The following CDC42BPA variants were observed in gnomAD, a reference collection of about 807,000 sequenced individuals.
The protein encoded by CDC42BPA is serine/threonine-protein kinase MRCK alpha.
CDC42BPA carries 80 observed loss-of-function variants against 223.5 expected under a neutral mutation model. The observed-to-expected ratio is 0.36, with a 90% CI of 0.30 to 0.43. CDC42BPA has a LOEUF of 0.43. CDC42BPA is among the 20% of genes least tolerant of loss of function. The pLI is 1.00. For missense variants in CDC42BPA, 1,743 were observed against 2,099.9 expected (o/e 0.83, Z 3.32); for synonymous variants, 694 against 718.6 (o/e 0.97, Z 0.55).
rs1056224117 is a variant in CDC42BPA at position 227,055,795 on chromosome 1, A to T, written c.2905-3810T>A. 2.6e-5 allele frequency among the ~76,000 whole-genome samples: 4 copies of T among 151,990 alleles called. No homozygotes were observed. The South Asian group carries it at 8.3e-4, about 31-fold the overall frequency. ...AAATGCAATTTTTTTTTGTTAGCTA[A>T]TTTTCTTTTCCTAAGTAAACATACT... On this transcript the variant is annotated intron_variant, in intron 21 of 36. Transcript: ENST00000366766.
rs963833939 is a variant in CDC42BPA, at chr1:226,993,504, G to A, written c.*764C>T. The A allele has an allele frequency of 1.3e-5, 2 of 152,564 alleles. No homozygotes were observed. Among genetic ancestry groups the A allele is most frequent in the East Asian group, 3.9e-4 (2 of 5,188 alleles). 9.5% of individuals were successfully genotyped at this position (152,564 alleles called of 1,614,324 possible). On this transcript the variant is annotated 3_prime_UTR_variant, in exon 37 of 37. Coordinates refer to ENST00000366766, the MANE Select transcript of CDC42BPA (RefSeq NM_001394014.1). ...TTCTACAGCTCCCCAGGTGACTAGA[G>A]CCTATGACCAGTTTGAGGACAGGGC... is the stretch of plus-strand genomic sequence containing the variant.
chr1:227,207,441 T>A (rs1298505728), intron 3 of CDC42BPA, among the ~76,000 whole-genome samples: 1 of 149,986 alleles, frequency 6.7e-6, no homozygotes. Flanking sequence ...TGTATACATG[T>A]GCCATGCTGG....
chr1:227,146,722 A>G (rs113772310), intron 7 of CDC42BPA, among the ~76,000 whole-genome samples: 2 of 152,108 alleles, frequency 1.3e-5, no homozygotes, highest in African/African-American at 4.8e-5. Flanking sequence ...GTGATCATAA[A>G]TAACGTTAGA....
intron 28 of CDC42BPA, among the ~76,000 whole-genome samples, chr1:227,030,969 G>A (rs1283615435): frequency 2.0e-5 from 3 of 151,968 alleles, no homozygotes; most frequent in Non-Finnish European, 4.4e-5. Context: ...ACCTCAGCAA[G>A]GTAATTACCA....
At chr1:227,294,959 G>A (rs189273907) in intron 1 of CDC42BPA, among the ~76,000 whole-genome samples, 2 of 128,702 alleles carry the variant, frequency 1.6e-5, no homozygotes, top group Admixed American at 1.6e-4. Flanking sequence ...AAAAATACCA[G>A]AAATGTTCCT....
At chr1:227,208,136 ATG>A (rs1163298277) in intron 3 of CDC42BPA, among the ~76,000 whole-genome samples, 2 of 142,332 alleles carry the variant, frequency 1.4e-5, no homozygotes, top group Admixed American at 7.1e-5. Flanking sequence ...GCATTTTTTC[ATG>A]TGTTTTTTGG....
At chr1:227,298,127 G>A (rs1234229324) in intron 1 of CDC42BPA, among the ~76,000 whole-genome samples, 7 of 151,182 alleles carry the variant, frequency 4.6e-5, no homozygotes, top group Admixed American at 4.0e-4. Flanking sequence ...CTCTTTCTCA[G>A]TGTAGTAGGT....
intron 14 of CDC42BPA, among the ~76,000 whole-genome samples, chr1:227,104,653 T>C (rs1056388022): frequency 6.6e-6 from 1 of 152,104 alleles, no homozygotes; most frequent in South Asian, 2.1e-4. Context: ...TAAAATATGG[T>C]TTTAAGAGGT....
chr1:227,130,858 AAAAAC>A (rs983215931), intron 10 of CDC42BPA, among the ~76,000 whole-genome samples: 10 of 152,176 alleles, frequency 6.6e-5, no homozygotes, highest in African/African-American at 1.9e-4. Flanking sequence ...TGTCTCAAAA[AAAAAC>A]AAACAAACAA....
intron 1 of CDC42BPA, among the ~76,000 whole-genome samples, chr1:227,274,282 G>C (rs2148497146): frequency 6.6e-6 from 1 of 152,210 alleles, no homozygotes; most frequent in East Asian, 1.9e-4. Context: ...GTAGGCACCT[G>C]ACCCAAACTA....
At chr1:227,269,609 G>C (rs1003623893) in intron 1 of CDC42BPA, among the ~76,000 whole-genome samples, 3 of 152,078 alleles carry the variant, frequency 2.0e-5, no homozygotes, top group Non-Finnish European at 4.4e-5. Context: ...AAATATATTT[G>C]TAACAAATAT....
rs1000685975 is a variant in CDC42BPA at position 227,317,511 on chromosome 1, T to C, written c.-329A>G. On this transcript the variant is annotated 5_prime_UTR_variant, in exon 1 of 37. An upstream open reading frame in the 5' UTR loses its in-frame stop. Transcript: ENST00000366766. Reference sequence around the variant, plus strand: ...ACGAACTAGAGAGTCAACACTTCTTTAAAAAAAAAAAAAAAAACTCTTCTC... The same window carrying C: ...ACGAACTAGAGAGTCAACACTTCTTCAAAAAAAAAAAAAAAAACTCTTCTC... The C allele has an allele frequency of 9.2e-5, 35 of 380,560 alleles. No individual in the cohort carries two copies. Among genetic ancestry groups the C allele is most frequent in the African/African-American group, 7.0e-4 (32 of 45,592 alleles). 23.6% of individuals were successfully genotyped at this position (380,560 alleles called of 1,614,324 possible). A position where few individuals can be genotyped will look rare whatever the true frequency, so the allele number is the denominator to read the frequency against.
intron 6 of CDC42BPA, 123 bp from the exon 7 acceptor site, chr1:227,147,682 A>G: frequency 1.8e-6 from 1 of 542,638 alleles, no homozygotes; most frequent in Admixed American, 3.6e-5. Context: ...TCTGAAAAAT[A>G]ATAATAATCC....
intron 4 of CDC42BPA, among the ~76,000 whole-genome samples, chr1:227,198,888 C>T (rs576146715): frequency 1.3e-5 from 2 of 152,106 alleles, no homozygotes; most frequent in East Asian, 3.9e-4. Flanking sequence ...GCTGGGACTA[C>T]AGGTGCCCAC....
chr1:227,231,826 G>A (rs925254651), intron 2 of CDC42BPA, among the ~76,000 whole-genome samples: 32 of 152,182 alleles, frequency 2.1e-4, no homozygotes, highest in Non-Finnish European at 3.8e-4. Flanking sequence ...CTTTTTGATG[G>A]GGTTGTTTGA....
chr1:227,129,136 T>C lies in CDC42BPA; in HGVS notation c.1486A>G (p.Ile496Val). ...DLEIKNLKEE[I>V]EKLRKQVTES... ...GTTACTTGTTTTCTTAGTTTTTCAA[T>C]TTCTTCTTTTAAGTTTTTTATTTCT... Residue 496 changes from isoleucine (I) to valine (V), a missense_variant, in exon 11 of 37, where the codon ATT (isoleucine) becomes GTT (valine). Physicochemically the swap from Ile to Val is conservative, Grantham distance 29. Transcript: ENST00000366766. 2.0e-6 allele frequency: 3 copies of C among 1,492,032 alleles called. No homozygotes were observed. The highest frequency in any genetic ancestry group is 2.8e-6 in the Non-Finnish European group (3 of 1,074,998). The allele number at this position is 1,492,032 out of a possible 1,614,324, so 92.4% of individuals were successfully genotyped here. A position where few individuals can be genotyped will look rare whatever the true frequency, so the allele number is the denominator to read the frequency against.
chr1:227,106,854 CA>C lies in CDC42BPA; in HGVS notation c.2001+5457del, dbSNP rs1686028533. Among the ~76,000 whole-genome samples, 4 of 152,258 alleles carry C rather than the reference CA, an allele frequency of 2.6e-5. No homozygotes were observed. In the South Asian group the frequency reaches 8.3e-4, roughly 32 times the overall value. ...CATTGAATGGACTTAGTACATTTGT[CA>C]AAAATTAATTGACCATAGATACATG... is the stretch of plus-strand genomic sequence containing the variant. On this transcript the variant is annotated intron_variant, in intron 14 of 36. Transcript: ENST00000366766.
intron 1 of CDC42BPA, among the ~76,000 whole-genome samples, chr1:227,257,927 T>C (rs926644690): frequency 6.6e-6 from 1 of 150,840 alleles, no homozygotes; most frequent in African/African-American, 2.5e-5. Context: ...CCCAATACTT[T>C]GGGAGGCCAA....
At chr1:227,288,924 G>A (rs1349234932) in intron 1 of CDC42BPA, among the ~76,000 whole-genome samples, 1 of 152,168 alleles carries the variant, frequency 6.6e-6, no homozygotes, top group Non-Finnish European at 1.5e-5. Flanking sequence ...AACCCCAGAG[G>A]TGGAGGCTGC....
Sources: allele counts gnomAD v4.1 joint callset (sites outside exome capture counted in the v4.1 genomes callset), GRCh38; gene constraint gnomAD v4.1.1; transcripts MANE v1.5; gene names NCBI Gene and HGNC (gene_info 2026-07-23, HGNC 2026-07-21).